Variants in KCNIP2 observed in about 807,000 individuals in gnomAD.
The protein encoded by KCNIP2 is A-type potassium channel modulatory protein KCNIP2.
KCNIP2 carries 19 observed loss-of-function variants against 39.0 expected under a neutral mutation model. The ratio of observed to expected loss-of-function variants is 0.49; its 90% CI spans 0.34 to 0.71. KCNIP2 has a LOEUF of 0.71. KCNIP2 is among the 30% of genes least tolerant of loss of function. KCNIP2 has a pLI of 0.01. For missense variants in KCNIP2, 261 were observed against 346.0 expected (o/e 0.75, Z 1.95); for synonymous variants, 111 against 131.2 (o/e 0.85, Z 1.05).
In KCNIP2 at chr10:101,830,346, C is replaced by T; in HGVS notation, c.170-449G>A. The T allele has an allele frequency of 4.1e-6, 5 of 1,205,884 alleles. No homozygotes were observed. The South Asian group carries it at 5.8e-5, about 14-fold the overall frequency. The allele number at this position is 1,205,884 out of a possible 1,614,324, so 74.7% of individuals were successfully genotyped here. ...TCCTCTACACCTGTCACCATCCTGT[C>T]GGGGCATAGGCAACACACATCAGGG... On this transcript the variant is annotated intron_variant, in intron 2 of 9. Transcript: ENST00000356640.
intron 3 of KCNIP2, chr10:101,829,400 AAGGCCTGGCCT>A: frequency 1.5e-6 from 1 of 656,676 alleles, no homozygotes; most frequent in Non-Finnish European, 2.4e-6. Context: ...TCAGCGGGCC[AAGGCCTGGCCT>A]GGCCCCAGAG....
intron 3 of KCNIP2, 51 bp downstream of exon 3, chr10:101,829,793 G>T: frequency 4.9e-6 from 2 of 410,210 alleles, no homozygotes; most frequent in Non-Finnish European, 3.1e-6. Flanking sequence ...CCCACCCCAA[G>T]ATGGCAAAGC....
intron 1 of KCNIP2, chr10:101,839,890 G>C (rs373144914): frequency 6.6e-7 from 1 of 1,526,138 alleles, no homozygotes; most frequent in Admixed American, 2.1e-5. Flanking sequence ...GCCCCGGGGC[G>C]GTCCGGTCTC....
rs142243570 is a variant in KCNIP2 at position 101,843,097 on chromosome 10, A to T, written c.73+399T>A. Reference sequence around the variant, plus strand: ...GCAAACTCAAACATCTGACGAGACCATACAATTGCACTGCCACATACAATC... The same window carrying T: ...GCAAACTCAAACATCTGACGAGACCTTACAATTGCACTGCCACATACAATC... On this transcript the variant is annotated intron_variant, in intron 1 of 9. Transcript: ENST00000356640. This position sits in a 1 kb window ranked among gnomAD's most constrained non-coding sequence, Gnocchi z 6.7. 6.6e-6 allele frequency among the ~76,000 whole-genome samples: 1 copy of T among 152,346 alleles called. No homozygotes were observed. Among genetic ancestry groups the T allele is most frequent in the Non-Finnish European group, 1.5e-5 (1 of 68,030 alleles).
rs910442167 is a variant in KCNIP2 at position 101,843,052 on chromosome 10, C to A, written c.73+444G>T. Among the ~76,000 whole-genome samples the A allele has an allele frequency of 2.0e-5, 3 of 152,224 alleles. No homozygotes were observed. In the East Asian group the frequency reaches 5.8e-4, roughly 29 times the overall value. On this transcript the variant is annotated intron_variant, in intron 1 of 9. Coordinates refer to ENST00000356640, the MANE Select transcript of KCNIP2 (RefSeq NM_173191.3). The surrounding 1 kb of genome is among the most constrained non-coding windows in gnomAD (Gnocchi z 6.7). Reference sequence around the variant, plus strand: ...AGACACATGGTCAAAACAACTTCATCAGTACAACCAGGGTCCTACGCAAAC... The same window carrying A: ...AGACACATGGTCAAAACAACTTCATAAGTACAACCAGGGTCCTACGCAAAC...
intron 1 of KCNIP2, among the ~76,000 whole-genome samples, chr10:101,842,964 A>T (rs2066375712): frequency 1.3e-5 from 2 of 152,232 alleles, no homozygotes; most frequent in African/African-American, 4.8e-5. Context: ...GCCCTGACAC[A>T]TTCTGGTAGT....
rs758813222 is a variant in KCNIP2 at position 101,828,926 on chromosome 10, C to T, written c.348+149G>A. On this transcript the variant is annotated intron_variant, in intron 4 of 9. Transcript: ENST00000356640. The surrounding 1 kb of genome is among the most constrained non-coding windows in gnomAD (Gnocchi z 6.6). Reference sequence around the variant, plus strand: ...CGCCACTTCCGTTCTGGCCCCGCCCCAGAACCTCCAGCTAGAAGTTCAGTC... The same window carrying T: ...CGCCACTTCCGTTCTGGCCCCGCCCTAGAACCTCCAGCTAGAAGTTCAGTC... 6.6e-7 allele frequency: 1 copy of T among 1,506,358 alleles called. No homozygotes were observed. The highest frequency in any genetic ancestry group is 1.3e-5 in the South Asian group (1 of 78,638). The allele number at this position is 1,506,358 out of a possible 1,614,324, so 93.3% of individuals were successfully genotyped here.
At chr10:101,833,950 C>T (rs2066070448) in intron 1 of KCNIP2, among the ~76,000 whole-genome samples, 1 of 152,020 alleles carries the variant, frequency 6.6e-6, no homozygotes, top group Non-Finnish European at 1.5e-5. Context: ...CTCCAGACCC[C>T]TCCTGGTATC....
chr10:101,836,097 G>A (rs574630324), intron 1 of KCNIP2, among the ~76,000 whole-genome samples: 35 of 152,176 alleles, frequency 2.3e-4, no homozygotes, highest in African/African-American at 8.2e-4. Context: ...CCCAATTTGT[G>A]GGGTGGGGGC....
At chr10:101,832,296 C>CTGTGTGTGTGTGTGTGTGTGTG (rs57005983) in intron 1 of KCNIP2, among the ~76,000 whole-genome samples, 1 of 139,976 alleles carries the variant, frequency 7.1e-6, no homozygotes, top group African/African-American at 2.7e-5. Flanking sequence ...CTCAGTGTTA[C>CTGTGTGTGTGTGTGTGTGTGTG]TGTGTGTGTG....
At chr10:101,836,381 C>T (rs1054692541) in intron 1 of KCNIP2, among the ~76,000 whole-genome samples, 8 of 147,888 alleles carry the variant, frequency 5.4e-5, no homozygotes, top group African/African-American at 7.5e-5. Flanking sequence ...GCTGGGATTA[C>T]AGGCGTGCAC....
At position 101,829,167 on chromosome 10, in the gene KCNIP2, C is replaced by G. The variant is rs1042449640; in HGVS notation, c.256G>C (p.Val86Leu). 1 of 1,614,078 alleles carries G rather than the reference C, an allele frequency of 6.2e-7. No individual in the cohort carries two copies. Among genetic ancestry groups the G allele is most frequent in the Non-Finnish European group, 8.5e-7 (1 of 1,179,982 alleles). ...SVDDEFELST[V>L]CHRPEGLEQL... ...TCCAGACCCTCAGGCCGGTGACACA[C>G]GGTGGACAATTCAAATTCATCGTCC... Residue 86 changes from valine (V) to leucine (L), a missense_variant, in exon 4 of 10, where the codon GTG becomes CTG. Val to Leu is a conservative substitution (Grantham distance 32). Transcript: ENST00000356640.
At position 101,827,885 on chromosome 10, in the gene KCNIP2, G is replaced by A. The variant is rs2065799401; in HGVS notation, c.702+4C>T. 5 of 1,610,442 alleles carry A rather than the reference G, an allele frequency of 3.1e-6. No individual in the cohort carries two copies. The highest frequency in any genetic ancestry group is 4.2e-6 in the Non-Finnish European group (5 of 1,176,690). The stretch of plus-strand genomic sequence containing the variant: ...GGCCCTCCAGCCTACCCACTCCCAA[G>A]TACCTGGAAGAAGCTCTCCACGTGT... On this transcript the variant is annotated splice_donor_region_variant and intron_variant, in intron 8 of 9. Coordinates refer to ENST00000356640, the MANE Select transcript of KCNIP2 (RefSeq NM_173191.3).
chr10:101,827,197 A>G lies in KCNIP2; in HGVS notation c.*156T>C, dbSNP rs1305368256. 2.2e-6 allele frequency: 3 copies of G among 1,335,086 alleles called. No individual in the cohort carries two copies. The African/African-American group carries it at 4.4e-5, about 20-fold the overall frequency. The allele number at this position is 1,335,086 out of a possible 1,614,324, so 82.7% of individuals were successfully genotyped here. A position where few individuals can be genotyped will look rare whatever the true frequency, so the allele number is the denominator to read the frequency against. On this transcript the variant is annotated 3_prime_UTR_variant, in exon 10 of 10. Transcript: ENST00000356640. ...CCCACTCTCTGGCCCCTTCAGCTCC[A>G]GAGATCTGGACTACTGAATCCCCAA... is the stretch of plus-strand genomic sequence containing the variant.
chr10:101,840,859 C>A (rs1008630345), intron 1 of KCNIP2, among the ~76,000 whole-genome samples: 1 of 152,208 alleles, frequency 6.6e-6, no homozygotes. Context: ...GCCCCCGCCC[C>A]GGCAACAATA....
At chr10:101,831,352 T>G (rs1045247536) in intron 1 of KCNIP2, among the ~76,000 whole-genome samples, 185 bp from the exon 2 acceptor site, 19 of 151,934 alleles carry the variant, frequency 1.3e-4, no homozygotes, top group African/African-American at 4.6e-4. Flanking sequence ...TCCATAGAGG[T>G]GAGGCTCAGG....
chr10:101,836,274 CTTT>C, intron 1 of KCNIP2, among the ~76,000 whole-genome samples: 1 of 124,648 alleles, frequency 8.0e-6, no homozygotes, highest in African/African-American at 2.9e-5. Context: ...TTTTTTTTCT[CTTT>C]TTTTTTTTTT....
In KCNIP2 at chr10:101,838,686, G is replaced by A. The variant is rs1018551561; in HGVS notation, c.73+4810C>T. Among the ~76,000 whole-genome samples the A allele has an allele frequency of 2.0e-5, 3 of 152,192 alleles. No homozygotes were observed. In the South Asian group the frequency reaches 6.2e-4, roughly 31 times the overall value. On this transcript the variant is annotated intron_variant, in intron 1 of 9. Transcript: ENST00000356640. The surrounding 1 kb of genome is among the most constrained non-coding windows in gnomAD (Gnocchi z 4.0). ...CTTGGAGGTTGTATGCTCCCCAGAA[G>A]ATTTCCAGGTATGGTTCTGGCTCAG... is the stretch of plus-strand genomic sequence containing the variant.
chr10:101,834,549 C>T (rs1240782035), intron 1 of KCNIP2, among the ~76,000 whole-genome samples: 2 of 152,100 alleles, frequency 1.3e-5, no homozygotes, highest in Non-Finnish European at 2.9e-5. Flanking sequence ...CACAAGCCTC[C>T]CAACCACAGC....
Sources: gnomAD v4.1 joint callset for allele counts (sites outside exome capture counted in the v4.1 genomes callset) on GRCh38, gnomAD v4.1.1 for gene constraint, Gnocchi (gnomAD v3.1) non-coding constraint, MANE v1.5 for transcripts, NCBI Gene and HGNC (gene_info 2026-07-23, HGNC 2026-07-21) for gene names.